Variants in LINGO2 observed in about 807,000 individuals in gnomAD.
LINGO2 encodes leucine rich repeat and Ig domain containing 2.
In LINGO2, 14 loss-of-function variants were observed where a neutral mutation model predicts 30.6. The ratio of observed to expected loss-of-function variants is 0.46; its 90% confidence interval spans 0.30 to 0.72. The LOEUF (loss-of-function observed/expected upper bound fraction) is 0.72, where lower values mean the gene tolerates loss of function less well. Ranked by LOEUF, LINGO2 falls within the 30% of genes least tolerant of loss-of-function variation. LINGO2 has a pLI of 0.07. For synonymous variants in LINGO2, 317 were observed against 288.5 expected (o/e 1.10, Z -1.00); for missense variants, 729 against 751.7 (o/e 0.97, Z 0.35).
At chr9:28,069,241 C>T (rs180863897) in intron 4 of LINGO2, among the ~76,000 whole-genome samples, 1 of 152,132 alleles carries the variant, frequency 6.6e-6, no homozygotes, top group East Asian at 1.9e-4. Context: ...GCTGTCAGTT[C>T]CCTGAGGTAG....
the LINGO2 span, among the ~76,000 whole-genome samples, chr9:28,967,257 G>A: frequency 1.9e-4 from 29 of 152,154 alleles, no homozygotes; most frequent in African/African-American, 5.5e-4. Context: ...ACCTAACACA[G>A]TTCCCAAATA....
At chr9:29,018,976 A>T in the LINGO2 span, among the ~76,000 whole-genome samples, 1 of 152,188 alleles carries the variant, frequency 6.6e-6, no homozygotes, top group African/African-American at 2.4e-5. Flanking sequence ...CTTCACTGGT[A>T]ATCTTAGCTC....
intron 3 of LINGO2, among the ~76,000 whole-genome samples, chr9:28,314,239 T>C (rs1193847673): frequency 6.6e-6 from 1 of 152,218 alleles, no homozygotes; most frequent in Admixed American, 6.5e-5. Flanking sequence ...CGGCCGAGAA[T>C]TGATTTTTGA....
chr9:28,079,152 C>T (rs890564608), intron 4 of LINGO2, among the ~76,000 whole-genome samples: 7 of 135,252 alleles, frequency 5.2e-5, no homozygotes, highest in African/African-American at 7.7e-5. Context: ...GGCTTTAAAG[C>T]AGGATCAGGT....
the LINGO2 span, among the ~76,000 whole-genome samples, chr9:28,878,545 T>C: frequency 6.6e-6 from 1 of 152,122 alleles, no homozygotes; most frequent in African/African-American, 2.4e-5. Context: ...AAAAAGAGAA[T>C]TTTAGACCAA....
At chr9:28,759,324 G>T in the LINGO2 span, among the ~76,000 whole-genome samples, 1 of 152,026 alleles carries the variant, frequency 6.6e-6, no homozygotes, top group African/African-American at 2.4e-5. Context: ...AAGTAAAGAA[G>T]ATTTGAAAAT....
the LINGO2 span, among the ~76,000 whole-genome samples, chr9:29,184,884 A>G: frequency 6.6e-6 from 1 of 152,226 alleles, no homozygotes. Flanking sequence ...CAGAAACCAT[A>G]ATAAAAATAA....
chr9:28,187,491 GA>G (rs34656512), intron 4 of LINGO2, among the ~76,000 whole-genome samples: 90,281 of 132,888 alleles, frequency 0.68, 29,017 homozygotes, highest in East Asian at 0.75. Flanking sequence ...CTCTGTCTCA[GA>G]AAAAAAAAAA....
At chr9:28,468,963 A>T (rs1199251325) in intron 2 of LINGO2, among the ~76,000 whole-genome samples, 1 of 152,180 alleles carries the variant, frequency 6.6e-6, no homozygotes, top group Non-Finnish European at 1.5e-5. Context: ...AACTGTCTCT[A>T]AAGAAACACA....
chr9:28,078,803 G>A lies in LINGO2; in HGVS notation c.-86-66398C>T, dbSNP rs563842378. On this transcript the variant is annotated intron_variant, in intron 4 of 5. Transcript: ENST00000379992. The stretch of plus-strand genomic sequence containing the variant: ...GCAGAGGTGGCAGTGAGCCAAGATC[G>A]CGCCATTGCACTCCAGCCTGGGCAA... Among the ~76,000 whole-genome samples, 15 of 147,218 alleles carry A rather than the reference G, an allele frequency of 1.0e-4. 2 individuals carry two copies. Among genetic ancestry groups the A allele is most frequent in the East Asian group, 5.8e-4 (3 of 5,144 alleles).
chr9:29,121,155 T>C, the LINGO2 span, among the ~76,000 whole-genome samples: 1 of 152,202 alleles, frequency 6.6e-6, no homozygotes, highest in African/African-American at 2.4e-5. Flanking sequence ...TTGAAGCAGT[T>C]GGGAATTAGA....
intron 3 of LINGO2, among the ~76,000 whole-genome samples, chr9:28,319,510 T>TG (rs34614640): frequency 0.15 from 23,564 of 152,074 alleles, 2,303 homozygotes; most frequent in African/African-American, 0.26. Context: ...GTGAACATCT[T>TG]GGGGGGCTGT....
At chr9:28,801,965 T>G in the LINGO2 span, among the ~76,000 whole-genome samples, 9 of 151,996 alleles carry the variant, frequency 5.9e-5, no homozygotes, top group Non-Finnish European at 1.3e-4. Context: ...CACTGTCAAA[T>G]TAAATGCTCA....
the LINGO2 span, among the ~76,000 whole-genome samples, chr9:28,980,979 T>C: frequency 6.6e-6 from 1 of 152,072 alleles, no homozygotes; most frequent in Non-Finnish European, 1.5e-5. Flanking sequence ...AAAGTAATTA[T>C]TGAGGAAGGA....
chr9:28,152,162 T>G (rs1179108990), intron 4 of LINGO2, among the ~76,000 whole-genome samples: 1 of 152,186 alleles, frequency 6.6e-6, no homozygotes, highest in Non-Finnish European at 1.5e-5. Context: ...TGGGACCTAG[T>G]TGTTTGGGTC....
intron 3 of LINGO2, among the ~76,000 whole-genome samples, chr9:28,363,935 CA>C (rs1364997237): frequency 8.0e-6 from 1 of 124,784 alleles, no homozygotes; most frequent in Non-Finnish European, 1.7e-5. Flanking sequence ...AAAGAAAGCT[CA>C]AAAGAGAAAA....
chr9:28,481,630 T>A (rs1016550176), intron 1 of LINGO2, among the ~76,000 whole-genome samples: 24 of 151,532 alleles, frequency 1.6e-4, no homozygotes, highest in African/African-American at 3.4e-4. Context: ...TTATTTATTT[T>A]TTATTATTAT....
At chr9:28,407,406 GTTA>G (rs1443290844) in intron 2 of LINGO2, among the ~76,000 whole-genome samples, 2 of 152,134 alleles carry the variant, frequency 1.3e-5, no homozygotes, top group African/African-American at 4.8e-5. Flanking sequence ...CTATTCAAAG[GTTA>G]TTATTGCTCC....
Position 28,081,489 on chromosome 9 carries a change from A to G in LINGO2, c.-86-69084T>C, listed in dbSNP as rs144539799. Among the ~76,000 whole-genome samples the G allele has an allele frequency of 2.1e-3, 320 of 152,300 alleles. 2 individuals are homozygous for G. Among genetic ancestry groups the G allele is most frequent in the African/African-American group, 7.1e-3 (296 of 41,580 alleles). ...TAATGGTAATGTTCATTTGGGCCCA[A>G]TTGTAAAATTTCAACATTAAAAGAA... On this transcript the variant is annotated intron_variant, in intron 4 of 5. Coordinates refer to ENST00000379992, the Ensembl canonical transcript of LINGO2.
Sources: allele counts gnomAD v4.1 joint callset (sites outside exome capture counted in the v4.1 genomes callset), GRCh38; gene constraint gnomAD v4.1.1; transcripts MANE v1.5; gene names NCBI Gene and HGNC (gene_info 2026-07-23, HGNC 2026-07-21).